ITPRID1: variants seen among roughly 807,000 people sequenced by gnomAD.
The protein encoded by ITPRID1 is protein ITPRID1.
A neutral mutation model predicts 95.4 loss-of-function variants in ITPRID1; 96 were observed. The observed-to-expected ratio is 1.01, with a 90% CI of 0.85 to 1.19. The LOEUF is 1.19. Ranked by LOEUF, ITPRID1 falls within the 50% of genes most tolerant of loss-of-function variation. The pLI, the probability that ITPRID1 is intolerant of heterozygous loss-of-function variation, is 0.00. For missense variants in ITPRID1, 1,339 were observed against 1,252.9 expected, an observed-to-expected ratio of 1.07 and a Z score of -1.04; for synonymous variants, 510 against 453.6, an observed-to-expected ratio of 1.12 and a Z score of -1.58.
chr7:31,620,439 AT>A (rs1262873461), intron 10 of ITPRID1, among the ~76,000 whole-genome samples: 3 of 151,850 alleles, frequency 2.0e-5, no homozygotes, highest in African/African-American at 7.3e-5. Context: ...AGACAGCAGC[AT>A]TCGAGATTCA....
chr7:31,542,709 T>C (rs1783971602), intron 1 of ITPRID1, among the ~76,000 whole-genome samples: 1 of 152,168 alleles, frequency 6.6e-6, no homozygotes, highest in Admixed American at 6.6e-5. Flanking sequence ...ATTATTCTGT[T>C]TGGGGCTGAG....
At chr7:31,522,422 T>C (rs1464876949) in intron 1 of ITPRID1, among the ~76,000 whole-genome samples, 2 of 152,328 alleles carry the variant, frequency 1.3e-5, no homozygotes, top group East Asian at 1.9e-4. Context: ...TGGGGATACA[T>C]TGATGAACCA....
intron 10 of ITPRID1, among the ~76,000 whole-genome samples, chr7:31,638,620 T>A (rs1789709914): frequency 6.6e-6 from 1 of 152,224 alleles, no homozygotes; most frequent in Non-Finnish European, 1.5e-5. Context: ...ACCCTAAAGA[T>A]GTTACTCAAC....
chr7:31,580,298 C>A (rs200069689), intron 9 of ITPRID1, among the ~76,000 whole-genome samples: 221 of 126,756 alleles, frequency 1.7e-3, no homozygotes, highest in Non-Finnish European at 2.0e-3. Flanking sequence ...AACTCTGTCT[C>A]AAAAAAAAAA....
intron 10 of ITPRID1, among the ~76,000 whole-genome samples, chr7:31,590,069 T>C (rs1610058): frequency 0.48 from 73,182 of 151,408 alleles, 18,497 homozygotes; most frequent in African/African-American, 0.62. Flanking sequence ...TATACACACA[T>C]ATATAGTTTG....
intron 6 of ITPRID1, 132 bp downstream of exon 6, chr7:31,569,941 T>A: frequency 1.5e-6 from 1 of 645,690 alleles, no homozygotes; most frequent in Non-Finnish European, 2.6e-6. Context: ...ACTGGTTTAG[T>A]CACAGTGCCT....
rs1791219802 is a variant in ITPRID1 at position 31,654,855 on chromosome 7, A to C, written c.*2026A>C. ...ATTCTATTGAAACCACCCACTACTC[A>C]AAACCATCTCACATCTTGCTTGCAC... On this transcript the variant is annotated 3_prime_UTR_variant, in exon 15 of 15. Coordinates refer to ENST00000615280, the MANE Select transcript of ITPRID1 (RefSeq NM_001257967.3). 2.0e-5 allele frequency among the ~76,000 whole-genome samples: 3 copies of C among 152,158 alleles called. No individual in the cohort carries two copies. In the South Asian group the frequency reaches 6.2e-4, roughly 32 times the overall value.
In ITPRID1 at chr7:31,542,383, C is replaced by A. The variant is rs576484422; in HGVS notation, c.-97-7043C>A. ...TTTCTTGCATAAATTCCCTTTTATA[C>A]ATTTTTTTACGACTTACACAATCTC... is the stretch of plus-strand genomic sequence containing the variant. On this transcript the variant is annotated intron_variant, in intron 1 of 14. Transcript: ENST00000615280. Among the ~76,000 whole-genome samples, 9 of 152,286 alleles carry A rather than the reference C, an allele frequency of 5.9e-5. No individual in the cohort carries two copies. In the South Asian group the frequency reaches 1.9e-3, roughly 32 times the overall value.
Position 31,642,675 on chromosome 7 carries a change from C to G in ITPRID1, c.1312-7C>G. 6.2e-7 allele frequency: 1 copy of G among 1,611,732 alleles called. No individual in the cohort carries two copies. The highest frequency in any genetic ancestry group is 8.5e-7 in the Non-Finnish European group (1 of 1,178,664). ...CCTGTTTCCCTTTGTCCTGGTTTCC[C>G]CTACAGATGCCTTCCTTGCCAAACA... On this transcript the variant is annotated splice_region_variant and splice_polypyrimidine_tract_variant and intron_variant, in intron 11 of 14. Coordinates refer to ENST00000615280, the MANE Select transcript of ITPRID1 (RefSeq NM_001257967.3).
chr7:31,619,937 G>A (rs192936377), intron 10 of ITPRID1, among the ~76,000 whole-genome samples: 68 of 152,286 alleles, frequency 4.5e-4, no homozygotes, highest in Admixed American at 3.4e-3. Context: ...CTTAAAAAAC[G>A]GCGCACCAGG....
intron 7 of ITPRID1, 136 bp downstream of exon 7, chr7:31,572,324 T>A: frequency 9.8e-6 from 6 of 611,412 alleles, no homozygotes; most frequent in East Asian, 2.8e-5. Flanking sequence ...CATCTTGCAA[T>A]AACAATATAA....
At chr7:31,625,533 G>A (rs1018706394) in intron 10 of ITPRID1, among the ~76,000 whole-genome samples, 1 of 151,942 alleles carries the variant, frequency 6.6e-6, no homozygotes, top group East Asian at 1.9e-4. Flanking sequence ...CAAAAAACCA[G>A]ACACCACATA....
intron 1 of ITPRID1, among the ~76,000 whole-genome samples, chr7:31,523,717 A>G (rs777098932): frequency 1.3e-5 from 2 of 152,160 alleles, no homozygotes; most frequent in Non-Finnish European, 2.9e-5. Context: ...ACCTTCCACC[A>G]TGATTGTAAG....
intron 13 of ITPRID1, 76 bp from the exon 14 acceptor site, chr7:31,651,863 T>G: frequency 1.0e-6 from 1 of 965,372 alleles, no homozygotes; most frequent in Non-Finnish European, 1.6e-6. Flanking sequence ...GAAGAACCTA[T>G]ATTATGAGGT....
intron 1 of ITPRID1, chr7:31,517,893 C>T (rs1783099540): frequency 6.6e-6 from 1 of 152,268 alleles, no homozygotes; most frequent in Non-Finnish European, 1.5e-5. Context: ...TAAGAGGTCT[C>T]CACTGTTCTG....
chr7:31,522,852 A>C (rs1368792241), intron 1 of ITPRID1, among the ~76,000 whole-genome samples: 1 of 152,204 alleles, frequency 6.6e-6, no homozygotes, highest in Non-Finnish European at 1.5e-5. Flanking sequence ...GTATAAATAG[A>C]GTTAGTTTGA....
At chr7:31,580,888 G>A (rs759566007) in intron 9 of ITPRID1, among the ~76,000 whole-genome samples, 1 of 152,118 alleles carries the variant, frequency 6.6e-6, no homozygotes, top group Non-Finnish European at 1.5e-5. Flanking sequence ...ATGTAAGGCA[G>A]AGATAGTCCT....
intron 12 of ITPRID1, among the ~76,000 whole-genome samples, chr7:31,644,652 C>G (rs916267688): frequency 6.6e-6 from 1 of 152,204 alleles, no homozygotes; most frequent in Non-Finnish European, 1.5e-5. Context: ...CCAGCCTTCT[C>G]TAGCCCTTGA....
chr7:31,518,285 C>G (rs1783112312), intron 1 of ITPRID1: 1 of 152,184 alleles, frequency 6.6e-6, no homozygotes, highest in Admixed American at 6.5e-5. Context: ...CTAACAGATA[C>G]GTTTTAGCCC....
Sources: allele counts gnomAD v4.1 joint callset (sites outside exome capture counted in the v4.1 genomes callset), GRCh38; gene constraint gnomAD v4.1.1; transcripts MANE v1.5; gene names NCBI Gene and HGNC (gene_info 2026-07-23, HGNC 2026-07-21).